NEGR1: variants seen among roughly 807,000 people sequenced by gnomAD.
NEGR1 encodes neuronal growth regulator 1, also known as IgLON family member 4.
Under a neutral mutation model 40.9 loss-of-function variants are expected in NEGR1, and 10 were observed. The observed-to-expected ratio is 0.24, with a 90% CI of 0.15 to 0.42. NEGR1 has a LOEUF of 0.42. Ranked by LOEUF, NEGR1 falls within the 10% of genes least tolerant of loss-of-function variation. NEGR1 has a pLI of 1.00. For synonymous variants in NEGR1, 185 were observed against 166.8 expected, an observed-to-expected ratio of 1.11 and a Z score of -0.84; for missense variants, 352 against 438.9, an observed-to-expected ratio of 0.80 and a Z score of 1.77.
chr1:71,652,108 T>C (rs1269181284), intron 4 of NEGR1, among the ~76,000 whole-genome samples: 1 of 152,180 alleles, frequency 6.6e-6, no homozygotes, highest in East Asian at 1.9e-4. Context: ...TAAATGAGCA[T>C]ATTAAAAACC....
At chr1:71,841,720 G>A (rs773541495) in intron 2 of NEGR1, among the ~76,000 whole-genome samples, 32 of 152,142 alleles carry the variant, frequency 2.1e-4, no homozygotes, top group Non-Finnish European at 2.8e-4. Context: ...TGTATGCAAT[G>A]TTCTTAACAC....
intron 1 of NEGR1, among the ~76,000 whole-genome samples, chr1:71,980,396 A>G (rs1430145712): frequency 2.0e-5 from 3 of 152,122 alleles, no homozygotes; most frequent in Non-Finnish European, 4.4e-5. Flanking sequence ...ATGTGCCAGG[A>G]TTTATTCTAG....
chr1:71,747,189 C>T (rs1655414719), intron 3 of NEGR1, among the ~76,000 whole-genome samples: 1 of 151,810 alleles, frequency 6.6e-6, no homozygotes, highest in African/African-American at 2.4e-5. Context: ...AAGAGCTATT[C>T]TGAAGTCAGG....
At chr1:71,597,466 C>CTGTGTGTGTG (rs1460180034) in intron 5 of NEGR1, among the ~76,000 whole-genome samples, 19 of 17,972 alleles carry the variant, frequency 1.1e-3, no homozygotes, top group Admixed American at 1.5e-3. Flanking sequence ...CTCTCTCTCT[C>CTGTGTGTGTG]TCTCTCTGTG....
chr1:72,222,853 C>T (rs1425227944), intron 1 of NEGR1, among the ~76,000 whole-genome samples: 1 of 152,066 alleles, frequency 6.6e-6, no homozygotes, highest in East Asian at 1.9e-4. Flanking sequence ...ATCAACAATC[C>T]CAGTTGTTCC....
At chr1:72,107,084 G>T (rs1436186117) in intron 1 of NEGR1, among the ~76,000 whole-genome samples, 15 of 151,278 alleles carry the variant, frequency 9.9e-5, no homozygotes, top group Admixed American at 9.2e-4. Context: ...ATATCTTTAG[G>T]GTGAGAAATA....
At chr1:72,116,939 T>C (rs1174447063) in intron 1 of NEGR1, among the ~76,000 whole-genome samples, 1 of 151,778 alleles carries the variant, frequency 6.6e-6, no homozygotes, top group Non-Finnish European at 1.5e-5. Context: ...AATAGTTCAT[T>C]AATAGCTTAG....
chr1:71,488,885 T>C (rs1294000998), intron 6 of NEGR1, among the ~76,000 whole-genome samples: 1 of 151,732 alleles, frequency 6.6e-6, no homozygotes, highest in Non-Finnish European at 1.5e-5. Context: ...TAATTGAAAA[T>C]ACTACACAGT....
rs567672062 is a variant in NEGR1, at chr1:71,402,206, C to T, written c.*5240G>A. The T allele has an allele frequency of 2.6e-5, 4 of 152,090 alleles. No homozygotes were observed. Among genetic ancestry groups the T allele is most frequent in the Non-Finnish European group, 5.9e-5 (4 of 68,016 alleles). 9.4% of individuals were successfully genotyped at this position (152,090 alleles called of 1,614,324 possible). On this transcript the variant is annotated 3_prime_UTR_variant, in exon 7 of 7. Coordinates refer to ENST00000357731, the MANE Select transcript of NEGR1 (RefSeq NM_173808.3). ...CAAGTGACTCAAAATTTCTGAATCT[C>T]GTTTTCACCATCAATACATGACAAT...
At chr1:72,099,632 G>T (rs1648851908) in intron 1 of NEGR1, among the ~76,000 whole-genome samples, 2 of 151,720 alleles carry the variant, frequency 1.3e-5, no homozygotes, top group Admixed American at 6.6e-5. Context: ...TCTCCTCACA[G>T]GTCTAATATT....
intron 1 of NEGR1, among the ~76,000 whole-genome samples, chr1:72,125,013 C>T (rs1176265621): frequency 6.6e-6 from 1 of 152,006 alleles, no homozygotes; most frequent in Non-Finnish European, 1.5e-5. Context: ...GTTACTCTAA[C>T]TTACTTAGTT....
rs758423337 is a variant in NEGR1 at position 72,282,293 on chromosome 1, T to C, written c.176+26A>G. 14 of 1,612,334 alleles carry C rather than the reference T, an allele frequency of 8.7e-6. No homozygotes were observed. The Middle Eastern group carries it at 5.0e-4, about 57-fold the overall frequency. ...AGACAGAAAGATAGACCGAAACAAG[T>C]ACGAAAAGCACGCCGTTCTTCCTAC... is the stretch of plus-strand genomic sequence containing the variant. On this transcript the variant is annotated intron_variant, in intron 1 of 6. Coordinates refer to ENST00000357731, the MANE Select transcript of NEGR1 (RefSeq NM_173808.3).
At chr1:71,987,504 A>G (rs760376119) in intron 1 of NEGR1, among the ~76,000 whole-genome samples, 103 of 152,322 alleles carry the variant, frequency 6.8e-4, no homozygotes, top group South Asian at 1.0e-3. Context: ...GCAAACAAAG[A>G]AAGGGGCAGA....
At chr1:72,207,433 T>C (rs1338516982) in intron 1 of NEGR1, among the ~76,000 whole-genome samples, 1 of 151,814 alleles carries the variant, frequency 6.6e-6, no homozygotes, top group Non-Finnish European at 1.5e-5. Context: ...TCTTTTTATA[T>C]ATAGAAAGAA....
intron 3 of NEGR1, among the ~76,000 whole-genome samples, chr1:71,735,556 C>T (rs1339870986): frequency 6.6e-6 from 1 of 151,650 alleles, no homozygotes; most frequent in Non-Finnish European, 1.5e-5. Flanking sequence ...GAGCATAGTA[C>T]AATTACAGAC....
chr1:72,080,129 T>C (rs1452772518), intron 1 of NEGR1, among the ~76,000 whole-genome samples: 1 of 152,148 alleles, frequency 6.6e-6, no homozygotes, highest in Non-Finnish European at 1.5e-5. Flanking sequence ...GTGCTATTAT[T>C]GTTGGTCTTC....
At chr1:72,003,627 T>C (rs985010240) in intron 1 of NEGR1, among the ~76,000 whole-genome samples, 8 of 152,068 alleles carry the variant, frequency 5.3e-5, no homozygotes, top group Admixed American at 6.5e-5. Context: ...TTTTAGACCA[T>C]ATTAACTAAA....
In NEGR1 at chr1:72,274,976, T is replaced by C. The variant is rs189366019; in HGVS notation, c.176+7343A>G. The C allele has an allele frequency of 9.4e-5, 144 of 1,527,534 alleles. No homozygotes were observed. In the African/African-American group the frequency reaches 1.4e-3, roughly 15 times the overall value. 94.6% of individuals were successfully genotyped at this position (1,527,534 alleles called of 1,614,324 possible). A position where few individuals can be genotyped will look rare whatever the true frequency, so the allele number is the denominator to read the frequency against. On this transcript the variant is annotated intron_variant, in intron 1 of 6. Coordinates refer to ENST00000357731, the MANE Select transcript of NEGR1 (RefSeq NM_173808.3). Reference sequence around the variant, plus strand: ...GATGTAGCAGCACAAGGGAAGTACATTGCCATAGTTAGTACGACTGTGGAA... The same window carrying C: ...GATGTAGCAGCACAAGGGAAGTACACTGCCATAGTTAGTACGACTGTGGAA...
chr1:71,658,029 A>G (rs940874151), intron 4 of NEGR1, among the ~76,000 whole-genome samples: 1 of 152,196 alleles, frequency 6.6e-6, no homozygotes, highest in African/African-American at 2.4e-5. Context: ...AACAATTCAA[A>G]TGTCATCTCC....
Sources: allele counts gnomAD v4.1 joint callset (sites outside exome capture counted in the v4.1 genomes callset), GRCh38; gene constraint gnomAD v4.1.1; transcripts MANE v1.5; gene names NCBI Gene and HGNC (gene_info 2026-07-23, HGNC 2026-07-21).